Variants in TAFA1 observed in about 807,000 individuals in gnomAD.
TAFA1 encodes TAFA chemokine like family member 1.
A neutral mutation model predicts 18.5 loss-of-function variants in TAFA1; 4 were observed. The observed-to-expected ratio is 0.22, with a 90% CI of 0.11 to 0.49. TAFA1 has a LOEUF of 0.49. TAFA1 is among the 20% of genes least tolerant of loss of function. The pLI, the probability that TAFA1 is intolerant of heterozygous loss-of-function variation, is 0.98. For missense variants in TAFA1, 147 were observed against 169.0 expected (o/e 0.87, Z 0.72); for synonymous variants, 56 against 55.2 (o/e 1.01, Z -0.06).
chr3:68,452,088 G>A (rs2071574386), intron 3 of TAFA1, among the ~76,000 whole-genome samples: 1 of 152,062 alleles, frequency 6.6e-6, no homozygotes, highest in South Asian at 2.1e-4. Flanking sequence ...AAGGACCCAG[G>A]GTCTGAATGC....
intron 3 of TAFA1, among the ~76,000 whole-genome samples, chr3:68,451,362 G>A (rs1449780500): frequency 6.6e-6 from 1 of 152,106 alleles, no homozygotes. Flanking sequence ...ATATCCAGAG[G>A]GTAAAGACTA....
intron 2 of TAFA1, among the ~76,000 whole-genome samples, chr3:68,142,761 C>G (rs1436518661): frequency 1.3e-5 from 2 of 152,184 alleles, no homozygotes; most frequent in Non-Finnish European, 2.9e-5. Flanking sequence ...CTCTGAATCT[C>G]TTTAAGATAT....
intron 2 of TAFA1, among the ~76,000 whole-genome samples, chr3:68,142,287 A>G (rs1302404059): frequency 6.6e-6 from 1 of 152,258 alleles, no homozygotes; most frequent in Non-Finnish European, 1.5e-5. Context: ...TGGAGAAGTT[A>G]AAGTGCCCAA....
intron 2 of TAFA1, among the ~76,000 whole-genome samples, chr3:68,044,308 T>C (rs1177997360): frequency 6.6e-6 from 1 of 152,228 alleles, no homozygotes; most frequent in Non-Finnish European, 1.5e-5. Flanking sequence ...GGGACTTTTG[T>C]TCTTTTATGG....
intron 2 of TAFA1, among the ~76,000 whole-genome samples, chr3:68,307,125 G>A (rs142479847): frequency 6.6e-6 from 1 of 152,124 alleles, no homozygotes; most frequent in East Asian, 1.9e-4. Flanking sequence ...TTAATACATT[G>A]CCCTAGCCCA....
chr3:68,268,746 G>T (rs543103880), intron 2 of TAFA1, among the ~76,000 whole-genome samples: 1 of 152,048 alleles, frequency 6.6e-6, no homozygotes, highest in Non-Finnish European at 1.5e-5. Flanking sequence ...TGCTGTAGGG[G>T]CTGCTAATGT....
intron 2 of TAFA1, among the ~76,000 whole-genome samples, chr3:68,193,006 G>C (rs2066366062): frequency 3.3e-5 from 5 of 151,726 alleles, no homozygotes; most frequent in Admixed American, 2.6e-4. Context: ...GCCCAATGGT[G>C]GGCATGGACA....
intron 2 of TAFA1, among the ~76,000 whole-genome samples, chr3:68,321,844 T>C (rs1453094193): frequency 6.6e-6 from 1 of 152,222 alleles, no homozygotes; most frequent in Non-Finnish European, 1.5e-5. Context: ...AACAGCCAAC[T>C]GAAATCTCCA....
At chr3:68,404,050 A>T (rs2070546850) in intron 2 of TAFA1, among the ~76,000 whole-genome samples, 1 of 152,236 alleles carries the variant, frequency 6.6e-6, no homozygotes, top group South Asian at 2.1e-4. Flanking sequence ...CACTCTTCCA[A>T]GTGCTTTCCC....
At chr3:68,332,441 A>C (rs759015613) in intron 2 of TAFA1, among the ~76,000 whole-genome samples, 2 of 152,244 alleles carry the variant, frequency 1.3e-5, no homozygotes, top group Non-Finnish European at 2.9e-5. Context: ...AAGTTATTGC[A>C]CAGCAAAGAA....
At chr3:68,227,367 G>A (rs2066815183) in intron 2 of TAFA1, among the ~76,000 whole-genome samples, 1 of 152,134 alleles carries the variant, frequency 6.6e-6, no homozygotes, top group Non-Finnish European at 1.5e-5. Context: ...ATTATGGTTT[G>A]GGCTGTGTTG....
At chr3:68,109,542 G>C (rs752260125) in intron 2 of TAFA1, among the ~76,000 whole-genome samples, 2 of 152,146 alleles carry the variant, frequency 1.3e-5, no homozygotes, top group African/African-American at 2.4e-5. Flanking sequence ...ATGCACAAGA[G>C]CATTGGTAAA....
chr3:68,033,310 G>A (rs1704976026), intron 2 of TAFA1, among the ~76,000 whole-genome samples: 1 of 152,086 alleles, frequency 6.6e-6, no homozygotes, highest in Non-Finnish European at 1.5e-5. Flanking sequence ...CCTCACAGTT[G>A]GGGATTATAC....
chr3:68,146,896 T>C (rs2065747608), intron 2 of TAFA1, among the ~76,000 whole-genome samples: 1 of 152,134 alleles, frequency 6.6e-6, no homozygotes. Flanking sequence ...TACAATAGAT[T>C]TCTTATTTGA....
At chr3:68,137,296 T>C (rs1320331026) in intron 2 of TAFA1, among the ~76,000 whole-genome samples, 1 of 152,170 alleles carries the variant, frequency 6.6e-6, no homozygotes, top group Non-Finnish European at 1.5e-5. Context: ...GTTCTTTCAA[T>C]TTTATAATTA....
intron 2 of TAFA1, among the ~76,000 whole-genome samples, chr3:68,107,162 G>A (rs1261402595): frequency 2.0e-5 from 3 of 152,060 alleles, no homozygotes; most frequent in Non-Finnish European, 4.4e-5. Context: ...GACTGAAGCG[G>A]TTTAGAGTAG....
intron 2 of TAFA1, among the ~76,000 whole-genome samples, chr3:68,145,937 C>T (rs1052892505): frequency 3.9e-5 from 6 of 152,216 alleles, no homozygotes; most frequent in South Asian, 2.1e-4. Flanking sequence ...TTACACAACC[C>T]GGGGGACATG....
chr3:68,199,442 A>G (rs1005663054), intron 2 of TAFA1, among the ~76,000 whole-genome samples: 2 of 151,534 alleles, frequency 1.3e-5, no homozygotes, highest in Non-Finnish European at 3.0e-5. Flanking sequence ...ATTATAGATC[A>G]AGCTGGGAAC....
chr3:68,273,234 G>A (rs1309027907), intron 2 of TAFA1, among the ~76,000 whole-genome samples: 3 of 152,128 alleles, frequency 2.0e-5, no homozygotes, highest in Admixed American at 6.6e-5. Context: ...AGAAGGGAAA[G>A]CAAGTGCAAA....
Sources: allele counts gnomAD v4.1 joint callset (sites outside exome capture counted in the v4.1 genomes callset), GRCh38; gene constraint gnomAD v4.1.1; transcripts MANE v1.5; gene names NCBI Gene and HGNC (gene_info 2026-07-23, HGNC 2026-07-21).